TOGARAM2: variants seen among roughly 807,000 people sequenced by gnomAD.
TOGARAM2 encodes TOG array regulator of axonemal microtubules protein 2.
Under a neutral mutation model 93.3 loss-of-function variants are expected in TOGARAM2, and 85 were observed. The ratio of observed to expected loss-of-function variants is 0.91; its 90% CI spans 0.76 to 1.09. The LOEUF (loss-of-function observed/expected upper bound fraction) is 1.09. TOGARAM2 is among the 50% of genes least tolerant of loss of function. The pLI, the probability that TOGARAM2 is intolerant of heterozygous loss-of-function variation, is 0.00. For synonymous variants in TOGARAM2, 593 were observed against 552.8 expected, an observed-to-expected ratio of 1.07 and a Z score of -1.02; for missense variants, 1,277 against 1,334.5, an observed-to-expected ratio of 0.96 and a Z score of 0.67.
At chr2:29,043,622 G>T (rs1666570481) in intron 18 of TOGARAM2, among the ~76,000 whole-genome samples, 1 of 152,206 alleles carries the variant, frequency 6.6e-6, no homozygotes, top group South Asian at 2.1e-4. Context: ...GTGCAGGCAA[G>T]ACACAAAGCC....
chr2:29,026,732 A>G, intron 13 of TOGARAM2, 121 bp from the exon 14 acceptor site: 1 of 1,149,266 alleles, frequency 8.7e-7, no homozygotes, highest in East Asian at 3.0e-5. Context: ...GGGGACAGGT[A>G]TTTTTGGAGC....
chr2:28,975,070 TA>T (rs1353065227), intron 1 of TOGARAM2, among the ~76,000 whole-genome samples: 1 of 152,100 alleles, frequency 6.6e-6, no homozygotes. Context: ...TTTTCTTTCT[TA>T]AATTTTTTTT....
intron 17 of TOGARAM2, 90 bp from the exon 18 acceptor site, chr2:29,036,451 T>C (rs1666114237): frequency 3.2e-6 from 4 of 1,236,592 alleles, no homozygotes; most frequent in South Asian, 1.3e-5. Flanking sequence ...GGTCGCTCAG[T>C]TGGGCCAGGT....
chr2:28,995,454 G>T (rs565451322), intron 2 of TOGARAM2, among the ~76,000 whole-genome samples: 17 of 152,338 alleles, frequency 1.1e-4, no homozygotes, highest in South Asian at 2.1e-4. Context: ...TGGAAGGAAG[G>T]CAGAGAAGCA....
intron 16 of TOGARAM2, 70 bp downstream of exon 16, chr2:29,033,633 GC>G: frequency 6.8e-7 from 1 of 1,464,120 alleles, no homozygotes; most frequent in Non-Finnish European, 9.4e-7. Flanking sequence ...CTTGTCCATG[GC>G]CAGGGGTGGC....
chr2:29,007,131 G>A (rs1265187743), intron 6 of TOGARAM2, among the ~76,000 whole-genome samples: 1 of 152,026 alleles, frequency 6.6e-6, no homozygotes, highest in East Asian at 1.9e-4. Flanking sequence ...GCCCTTATGT[G>A]TGCCCAAGTC....
At chr2:29,005,870 G>A (rs1663736615) in intron 6 of TOGARAM2, among the ~76,000 whole-genome samples, 1 of 150,214 alleles carries the variant, frequency 6.7e-6, no homozygotes, top group South Asian at 2.1e-4. Flanking sequence ...ATGTGTCAGT[G>A]CATGTTGTGA....
In TOGARAM2 at chr2:29,024,263, T is replaced by TGGCG; in HGVS notation, c.1744_1747dup (p.Asp583GlyfsTer49). On this transcript the variant is annotated frameshift_variant, in exon 13 of 20. Coordinates refer to ENST00000379558, the MANE Select transcript of TOGARAM2 (RefSeq NM_199280.4). LOFTEE classifies it high-confidence loss of function. ...ATCGCCCGCTGCTTGCTGCAGAAGA[T>TGGCG]GGCGGACACCAACGAGTTCATCCAG... 1.9e-6 allele frequency: 3 copies of TGGCG among 1,613,036 alleles called. No homozygotes were observed. The highest frequency in any genetic ancestry group is 2.5e-6 in the Non-Finnish European group (3 of 1,179,504).
At chr2:29,045,638 T>C in intron 19 of TOGARAM2, 1 of 535,424 alleles carries the variant, frequency 1.9e-6, no homozygotes, top group Non-Finnish European at 3.4e-6. Flanking sequence ...AAAAGTGTTT[T>C]TAAAAAACTG....
chr2:29,030,229 T>A (rs1300217966), intron 14 of TOGARAM2, among the ~76,000 whole-genome samples: 1 of 152,056 alleles, frequency 6.6e-6, no homozygotes, highest in Non-Finnish European at 1.5e-5. Flanking sequence ...TGAGCTGAAA[T>A]AGGGCCATTA....
rs896751538 is a variant in TOGARAM2 at position 29,033,570 on chromosome 2, C to A, written c.2225+7C>A. 6.2e-7 allele frequency: 1 copy of A among 1,610,998 alleles called. No individual in the cohort carries two copies. Among genetic ancestry groups the A allele is most frequent in the Admixed American group, 1.7e-5 (1 of 59,662 alleles). On this transcript the variant is annotated splice_region_variant and intron_variant, in intron 16 of 19. Coordinates refer to ENST00000379558, the MANE Select transcript of TOGARAM2 (RefSeq NM_199280.4). ...GGCTGCCCATCAAGGAGGGGTATGGCTGCTCCTGTATCTCTGGGCTTCACA... is the reference window on the plus strand; with the variant it reads ...GGCTGCCCATCAAGGAGGGGTATGGATGCTCCTGTATCTCTGGGCTTCACA...
intron 1 of TOGARAM2, among the ~76,000 whole-genome samples, chr2:28,966,767 T>G (rs1671873572): frequency 6.6e-6 from 1 of 152,204 alleles, no homozygotes; most frequent in Non-Finnish European, 1.5e-5. Flanking sequence ...TATGTATCTA[T>G]AAATATAAAA....
chr2:29,004,625 T>C (rs1311943962), intron 6 of TOGARAM2, among the ~76,000 whole-genome samples: 2 of 85,472 alleles, frequency 2.3e-5, no homozygotes, highest in East Asian at 5.5e-4. Context: ...TGCCTGCAGG[T>C]ATGTGTGAGT....
intron 1 of TOGARAM2, among the ~76,000 whole-genome samples, chr2:28,975,567 A>T (rs1672015813): frequency 6.6e-6 from 1 of 152,108 alleles, no homozygotes; most frequent in Non-Finnish European, 1.5e-5. Flanking sequence ...TTTTATGATG[A>T]CTATTTAGAA....
upstream of TOGARAM2, among the ~76,000 whole-genome samples, chr2:28,976,507 A>G (rs1672038637): frequency 6.6e-6 from 1 of 152,174 alleles, no homozygotes; most frequent in South Asian, 2.1e-4. Flanking sequence ...GCTGTGGGGC[A>G]GGGAGCTGCT....
intron 19 of TOGARAM2, 132 bp downstream of exon 19, chr2:29,045,542 T>C: frequency 1.3e-6 from 1 of 792,658 alleles, no homozygotes. Context: ...ATTTTGAAAA[T>C]CTGCTTTTTT....
intron 1 of TOGARAM2, among the ~76,000 whole-genome samples, chr2:28,983,198 A>ATATATATATAT (rs1196223294): frequency 5.3e-5 from 3 of 56,626 alleles, no homozygotes; most frequent in African/African-American, 2.5e-4. Context: ...ATATATATAT[A>ATATATATATAT]TTTTTTTTTT....
At chr2:28,970,369 AT>A (rs1229349363) in intron 1 of TOGARAM2, among the ~76,000 whole-genome samples, 2 of 152,282 alleles carry the variant, frequency 1.3e-5, no homozygotes, top group Admixed American at 1.3e-4. Context: ...TTCCTCATCT[AT>A]AAAGTGGGGA....
intron 1 of TOGARAM2, among the ~76,000 whole-genome samples, chr2:28,985,092 A>T (rs762699877): frequency 1.3e-5 from 2 of 152,202 alleles, no homozygotes; most frequent in Non-Finnish European, 2.9e-5. Context: ...TGTTGGTATT[A>T]GGAGGTGGGG....
Sources: gnomAD v4.1 joint callset for allele counts (sites outside exome capture counted in the v4.1 genomes callset) on GRCh38, gnomAD v4.1.1 for gene constraint, MANE v1.5 for transcripts, NCBI Gene and HGNC (gene_info 2026-07-23, HGNC 2026-07-21) for gene names.